Variants in NFIA observed in about 807,000 individuals in gnomAD.
NFIA encodes nuclear factor 1 A-type.
In NFIA, 8 loss-of-function variants were observed where a neutral mutation model predicts 62.8. The ratio of observed to expected loss-of-function variants is 0.13; its 90% CI spans 0.07 to 0.23. The LOEUF (loss-of-function observed/expected upper bound fraction) is 0.23, where lower values mean the gene tolerates loss of function less well. NFIA is among the 10% of genes least tolerant of loss of function. The pLI, the probability that NFIA is intolerant of heterozygous loss-of-function variation, is 1.00. For missense variants in NFIA, 410 were observed against 642.1 expected, an observed-to-expected ratio of 0.64 and a Z score of 3.91; for synonymous variants, 235 against 238.1, an observed-to-expected ratio of 0.99 and a Z score of 0.12.
chr1:61,220,441 G>T (rs1024247289), intron 2 of NFIA, among the ~76,000 whole-genome samples: 12 of 152,034 alleles, frequency 7.9e-5, no homozygotes, highest in African/African-American at 2.9e-4. Context: ...GGCCTTACTG[G>T]GTATTTACCT....
upstream of NFIA, chr1:61,081,896 G>C (rs1330078624): frequency 1.9e-6 from 3 of 1,545,924 alleles, no homozygotes; most frequent in Non-Finnish European, 2.6e-6. Context: ...TTCAGTGGGG[G>C]AAAAAAAGTT....
At chr1:61,081,947 C>T, upstream of NFIA, 15 of 1,550,508 alleles carry the variant, frequency 9.7e-6, no homozygotes, top group Non-Finnish European at 1.3e-5. Context: ...TGCATACATG[C>T]AAATGTGCCG....
chr1:61,268,338 CAG>C (rs1180477885), intron 2 of NFIA, among the ~76,000 whole-genome samples: 8 of 152,128 alleles, frequency 5.3e-5, no homozygotes, highest in Admixed American at 4.6e-4. Context: ...TTGATTTTTT[CAG>C]AGTTTAGTCA....
intron 2 of NFIA, among the ~76,000 whole-genome samples, chr1:61,264,714 C>CACACAAACT (rs1430862274): frequency 6.7e-6 from 1 of 149,882 alleles, no homozygotes; most frequent in African/African-American, 2.5e-5. Flanking sequence ...TGGCAAATCC[C>CACACAAACT]ACACAAACTA....
intron 2 of NFIA, among the ~76,000 whole-genome samples, chr1:61,158,669 CTG>C (rs1366694760): frequency 6.6e-6 from 1 of 152,190 alleles, no homozygotes; most frequent in Non-Finnish European, 1.5e-5. Flanking sequence ...TGTTTCAAAA[CTG>C]TGGTCTTACA....
chr1:61,233,330 T>C (rs117606527), intron 2 of NFIA, among the ~76,000 whole-genome samples: 1 of 152,352 alleles, frequency 6.6e-6, no homozygotes, highest in East Asian at 1.9e-4. Flanking sequence ...AAGATCATGC[T>C]ACTGAATACC....
At chr1:61,126,458 A>ACT (rs1234456305) in intron 2 of NFIA, among the ~76,000 whole-genome samples, 1 of 144,770 alleles carries the variant, frequency 6.9e-6, no homozygotes, top group Non-Finnish European at 1.5e-5. Context: ...ACACACACAC[A>ACT]CACACACACA....
chr1:61,249,981 T>C (rs1655922314), intron 2 of NFIA: 1 of 152,210 alleles, frequency 6.6e-6, no homozygotes, highest in Non-Finnish European at 1.5e-5. Context: ...CAGTTCCTTT[T>C]CTAGGAAAAT....
chr1:61,422,338 T>G (rs1056753028), intron 9 of NFIA, among the ~76,000 whole-genome samples: 6 of 152,192 alleles, frequency 3.9e-5, no homozygotes, highest in African/African-American at 1.4e-4. Flanking sequence ...CAGTCATATT[T>G]TTTCCAAAGA....
chr1:61,408,093 A>G (rs1665934241), intron 9 of NFIA, among the ~76,000 whole-genome samples: 1 of 152,242 alleles, frequency 6.6e-6, no homozygotes. Flanking sequence ...TCCAGTATTT[A>G]TGCATTTTGA....
intron 3 of NFIA, among the ~76,000 whole-genome samples, chr1:61,304,822 A>G (rs368009556): frequency 3.9e-5 from 6 of 152,318 alleles, no homozygotes; most frequent in African/African-American, 1.4e-4. Flanking sequence ...CTCCTTCCTG[A>G]TGTACAAAAT....
chr1:61,223,781 G>A (rs1018742006), intron 2 of NFIA, among the ~76,000 whole-genome samples: 147 of 152,094 alleles, frequency 9.7e-4, no homozygotes, highest in African/African-American at 3.5e-3. Flanking sequence ...ACAACTCTGT[G>A]ACCAAAATCT....
intron 10 of NFIA, 112 bp downstream of exon 10, chr1:61,426,668 C>A: frequency 2.6e-6 from 2 of 780,042 alleles, no homozygotes; most frequent in Non-Finnish European, 4.3e-6. Flanking sequence ...GTCCAGTCTT[C>A]CCTTTCCTCC....
chr1:61,135,051 T>C (rs1467940665), intron 2 of NFIA, among the ~76,000 whole-genome samples: 1 of 152,226 alleles, frequency 6.6e-6, no homozygotes, highest in Admixed American at 6.5e-5. Flanking sequence ...CCCACATTTA[T>C]TTTTTCTATC....
intron 5 of NFIA, among the ~76,000 whole-genome samples, chr1:61,358,511 G>A (rs1470821811): frequency 4.0e-5 from 6 of 148,420 alleles, no homozygotes; most frequent in East Asian, 4.1e-4. Context: ...TCAGCCTCCC[G>A]AGTAGCTGGG....
At chr1:61,095,324 G>A (rs1426567549) in intron 2 of NFIA, among the ~76,000 whole-genome samples, 3 of 152,220 alleles carry the variant, frequency 2.0e-5, no homozygotes, top group Non-Finnish European at 4.4e-5. Context: ...TTTCATAGCA[G>A]TATTATGAAT....
At chr1:61,332,738 A>G (rs112440580) in intron 4 of NFIA, 152 bp downstream of exon 4, 12 of 610,766 alleles carry the variant, frequency 2.0e-5, no homozygotes, top group Middle Eastern at 5.7e-4. Context: ...TTGACAACCA[A>G]GAATTTAAAT....
intron 4 of NFIA, among the ~76,000 whole-genome samples, chr1:61,344,013 G>C (rs1016805630): frequency 1.3e-5 from 2 of 152,178 alleles, no homozygotes; most frequent in Non-Finnish European, 2.9e-5. Context: ...AACTCTGGCA[G>C]AGAGCACAAA....
At chr1:61,133,314 A>G (rs1647115006) in intron 2 of NFIA, among the ~76,000 whole-genome samples, 1 of 152,018 alleles carries the variant, frequency 6.6e-6, no homozygotes, top group African/African-American at 2.4e-5. Context: ...GTTCTTAAAA[A>G]ATAATAAATA....
Sources: allele counts gnomAD v4.1 joint callset (sites outside exome capture counted in the v4.1 genomes callset), GRCh38; gene constraint gnomAD v4.1.1; transcripts MANE v1.5; gene names NCBI Gene and HGNC (gene_info 2026-07-23, HGNC 2026-07-21).